ADGRL1: variants seen among roughly 807,000 people sequenced by gnomAD.
ADGRL1 encodes the protein CIRL-1.
A neutral mutation model predicts 148.9 loss-of-function variants in ADGRL1; 31 were observed. The observed-to-expected ratio is 0.21, with a 90% CI of 0.16 to 0.28. The LOEUF (loss-of-function observed/expected upper bound fraction) is 0.28. ADGRL1 is among the 10% of genes least tolerant of loss of function. The pLI is 1.00. For missense variants in ADGRL1, 1,521 were observed against 2,058.8 expected (o/e 0.74, Z 5.05); for synonymous variants, 937 against 900.3 (o/e 1.04, Z -0.73).
At chr19:14,193,466 A>G (rs897962761) in intron 1 of ADGRL1, among the ~76,000 whole-genome samples, 4 of 151,998 alleles carry the variant, frequency 2.6e-5, no homozygotes, top group African/African-American at 9.7e-5. Flanking sequence ...ACGTGCCTAT[A>G]GTCCCAGCTA....
chr19:14,169,648 G>A (rs1350167488), intron 4 of ADGRL1: 1 of 152,224 alleles, frequency 6.6e-6, no homozygotes, highest in Non-Finnish European at 1.5e-5. Context: ...AGGGAAGGTT[G>A]GGGTGGGAGG....
chr19:14,166,299 G>C (rs1969957172), intron 4 of ADGRL1, among the ~76,000 whole-genome samples: 1 of 150,934 alleles, frequency 6.6e-6, no homozygotes, highest in Non-Finnish European at 1.5e-5. Context: ...GGGGACAGCT[G>C]ACACCCCTCC....
rs560996253 is a variant in ADGRL1, at chr19:14,152,469, C to T, written c.3521-32G>A. On this transcript the variant is annotated intron_variant, in intron 20 of 22. Transcript: ENST00000361434. This position sits in a 1 kb window ranked among gnomAD's most constrained non-coding sequence, Gnocchi z 6.1. ...AAAGGATCAGAGGTCACAAGGCAGC[C>T]GGGAGCCTCCAGAGACTGAAGCCAG... 6 of 1,608,434 alleles carry T rather than the reference C, an allele frequency of 3.7e-6. No homozygotes were observed. The highest frequency in any genetic ancestry group is 2.7e-5 in the African/African-American group (2 of 74,810).
Position 14,159,564 on chromosome 19 carries a change from G to C in ADGRL1, c.1860C>G (p.Asp620Glu), listed in dbSNP as rs1484320309. The C allele has an allele frequency of 6.9e-6, 11 of 1,600,952 alleles. No homozygotes were observed. Among genetic ancestry groups the C allele is most frequent in the African/African-American group, 2.7e-5 (2 of 74,706 alleles). The change falls in exon 10 of 23, where the codon GAC becomes GAG. Residue 620 changes from aspartate (D) to glutamate (E), a missense_variant. By Grantham distance (45) the Asp-to-Glu change is conservative. Coordinates refer to ENST00000361434, the MANE Select transcript of ADGRL1 (RefSeq NM_014921.5). This position sits in a 1 kb window ranked among gnomAD's most constrained non-coding sequence, Gnocchi z 6.0. ...CCAGAGCTTCTGGCCGGAGCAGATTGTCCACTGTCTCCACCACGGCCTGCA... is the reference window on the plus strand; with the variant it reads ...CCAGAGCTTCTGGCCGGAGCAGATTCTCCACTGTCTCCACCACGGCCTGCA... ...DYIKAVVETV[D>E]NLLRPEALES...
At chr19:14,196,295 G>A (rs1258602100) in intron 1 of ADGRL1, among the ~76,000 whole-genome samples, 8 of 152,124 alleles carry the variant, frequency 5.3e-5, no homozygotes, top group Non-Finnish European at 8.8e-5. Flanking sequence ...CACCTCACTC[G>A]ACCAAAAGCC....
At chr19:14,170,387 G>A (rs1421365496) in intron 4 of ADGRL1, 1 of 269,664 alleles carries the variant, frequency 3.7e-6, no homozygotes, top group Non-Finnish European at 7.1e-6. Flanking sequence ...TGGCCTGGCA[G>A]TGTGGAAATG....
intron 1 of ADGRL1, among the ~76,000 whole-genome samples, chr19:14,185,419 G>A (rs150144605): frequency 7.9e-5 from 12 of 152,230 alleles, no homozygotes; most frequent in South Asian, 4.1e-4. Context: ...TCAGCCTTTC[G>A]AGTAGCTGGG....
chr19:14,183,561 G>A lies in ADGRL1; in HGVS notation c.42C>T (p.Thr14=), dbSNP rs80142256. The change falls in exon 2 of 23, where the codon ACC becomes ACT. Residue 14 remains threonine (T), a synonymous_variant. Transcript: ENST00000361434. ...LAAVLWNLCV[T]AVLVTSATQG... ...GGGTGGCCGAGGTGACCAGGACGGCGGTGACACACAGATTCCAGAGCACTG... is the reference window on the plus strand; with the variant it reads ...GGGTGGCCGAGGTGACCAGGACGGCAGTGACACACAGATTCCAGAGCACTG... 1,478 of 1,584,212 alleles carry A rather than the reference G, an allele frequency of 9.3e-4. 9 individuals carry two copies. In the African/African-American group the frequency reaches 0.017, roughly 18 times the overall value.
chr19:14,165,611 A>G (rs1284232523), intron 4 of ADGRL1, among the ~76,000 whole-genome samples: 1 of 147,812 alleles, frequency 6.8e-6, no homozygotes, highest in Non-Finnish European at 1.5e-5. Flanking sequence ...GCCCTCGAAG[A>G]GAAAATCTCC....
chr19:14,161,643 A>G lies in ADGRL1; in HGVS notation c.1196-17T>C. 2.9e-6 allele frequency: 4 copies of G among 1,385,198 alleles called. No individual in the cohort carries two copies. Among genetic ancestry groups the G allele is most frequent in the Non-Finnish European group, 3.7e-6 (4 of 1,072,626 alleles). The allele number at this position is 1,385,198 out of a possible 1,614,324, so 85.8% of individuals were successfully genotyped here. ...TGGCTGGGCCTGGAGAGGGGATACGAGACAGGGTCATCCCCATGCTCAGGG... is the reference window on the plus strand; with the variant it reads ...TGGCTGGGCCTGGAGAGGGGATACGGGACAGGGTCATCCCCATGCTCAGGG... On this transcript the variant is annotated splice_polypyrimidine_tract_variant and intron_variant, in intron 5 of 22. Transcript: ENST00000361434. This position sits in a 1 kb window ranked among gnomAD's most constrained non-coding sequence, Gnocchi z 4.4.
intron 4 of ADGRL1, among the ~76,000 whole-genome samples, chr19:14,165,301 T>C (rs1969846977): frequency 6.6e-6 from 1 of 151,360 alleles, no homozygotes; most frequent in Admixed American, 6.6e-5. Context: ...CCCTGAGGGG[T>C]CGGCCTGCCC....
intron 4 of ADGRL1, chr19:14,164,524 G>A (rs1969761347): frequency 1.3e-5 from 2 of 152,686 alleles, no homozygotes; most frequent in Non-Finnish European, 2.9e-5. Flanking sequence ...CCCAGGTCCA[G>A]CTCGGAGGGG....
Position 14,158,536 on chromosome 19 carries a change from G to A in ADGRL1, c.2166C>T (p.Val722=). The part of the protein sequence containing the change: ...QNSRNGVVKV[V]FILYNNLGLF... Reference sequence around the variant, plus strand: ...GGCCCAGGTTGTTGTAGAGGATGAAGACAACTTTGACCACCCCTGGTGAGA... The same window carrying A: ...GGCCCAGGTTGTTGTAGAGGATGAAAACAACTTTGACCACCCCTGGTGAGA... The change falls in exon 12 of 23, where the codon GTC becomes GTT. Residue 722 remains valine (V), a synonymous_variant. Coordinates refer to ENST00000361434, the MANE Select transcript of ADGRL1 (RefSeq NM_014921.5). The A allele has an allele frequency of 1.2e-6, 2 of 1,613,898 alleles. No homozygotes were observed. The highest frequency in any genetic ancestry group is 1.1e-5 in the South Asian group (1 of 91,076).
rs573215472 is a variant in ADGRL1, at chr19:14,186,337, G to T, written c.-95-2640C>A. Among the ~76,000 whole-genome samples, 281 of 152,310 alleles carry T rather than the reference G, an allele frequency of 1.8e-3. 1 individual carries two copies. The highest frequency in any genetic ancestry group is 6.6e-3 in the African/African-American group (273 of 41,558). ...CATCCCAAAGTGCTGGGATTACTGCGTGAGGCCATCACCACTGTTGTCTTC... is the reference window on the plus strand; with the variant it reads ...CATCCCAAAGTGCTGGGATTACTGCTTGAGGCCATCACCACTGTTGTCTTC... On this transcript the variant is annotated intron_variant, in intron 1 of 22. Transcript: ENST00000361434.
chr19:14,190,792 T>TA (rs1178275776), intron 1 of ADGRL1, among the ~76,000 whole-genome samples: 1 of 152,018 alleles, frequency 6.6e-6, no homozygotes, highest in African/African-American at 2.4e-5. Flanking sequence ...AGGGGTGTTT[T>TA]AAAAGACAAT....
Position 14,159,574 on chromosome 19 carries a change from T to C in ADGRL1, c.1850A>G (p.Glu617Gly). 1 of 1,598,080 alleles carries C rather than the reference T, an allele frequency of 6.3e-7. No homozygotes were observed. Residue 617 changes from glutamate (E) to glycine (G), a missense_variant, in exon 10 of 23, where the codon GAG becomes GGG. Glu to Gly is a moderately conservative substitution (Grantham distance 98). Transcript: ENST00000361434. This position sits in a 1 kb window ranked among gnomAD's most constrained non-coding sequence, Gnocchi z 6.0. ...TCKDYIKAVV[E>G]TVDNLLRPEA... is the part of the protein sequence containing the mutation. ...TGGCCGGAGCAGATTGTCCACTGTC[T>C]CCACCACGGCCTGCACAGGCAGAGG...
chr19:14,197,488 C>A (rs1238571058), intron 1 of ADGRL1, among the ~76,000 whole-genome samples: 1 of 152,158 alleles, frequency 6.6e-6, no homozygotes. Flanking sequence ...TACAACCCTC[C>A]ATGGCTCCCT....
intron 1 of ADGRL1, among the ~76,000 whole-genome samples, chr19:14,204,267 G>A (rs1972809986): frequency 6.6e-6 from 1 of 152,096 alleles, no homozygotes; most frequent in African/African-American, 2.4e-5. Context: ...GCATTAGTGG[G>A]AGGGGAGCAG....
At chr19:14,154,715 T>C (rs1197964933) in intron 18 of ADGRL1, among the ~76,000 whole-genome samples, 1 of 152,114 alleles carries the variant, frequency 6.6e-6, no homozygotes, top group African/African-American at 2.4e-5. Flanking sequence ...CAAGCAATTC[T>C]CCTGCCTCAG....
Sources: gnomAD v4.1 joint callset for allele counts (sites outside exome capture counted in the v4.1 genomes callset) on GRCh38, gnomAD v4.1.1 for gene constraint, Gnocchi (gnomAD v3.1) non-coding constraint, MANE v1.5 for transcripts, NCBI Gene and HGNC (gene_info 2026-07-23, HGNC 2026-07-21) for gene names.